The following ASNS variants were observed in gnomAD, a reference collection of about 807,000 sequenced individuals.
ASNS encodes the protein asparagine synthetase (glutamine-hydrolyzing), also known as asparagine synthetase [glutamine-hydrolyzing].
Under a neutral mutation model 62.6 loss-of-function variants are expected in ASNS, and 37 were observed. That is an observed-to-expected ratio of 0.59 (90% CI 0.45 to 0.78). The LOEUF is 0.78. Ranked by LOEUF, ASNS falls within the 30% of genes least tolerant of loss-of-function variation. The pLI is 0.00. For synonymous variants in ASNS, 207 were observed against 237.9 expected (o/e 0.87, Z 1.19); for missense variants, 520 against 682.4 (o/e 0.76, Z 2.65).
At chr7:97,895,739 C>T in the ASNS span, among the ~76,000 whole-genome samples, 1 of 152,046 alleles carries the variant, frequency 6.6e-6, no homozygotes, top group East Asian at 1.9e-4. Flanking sequence ...TGCAGTGAGC[C>T]AAGATTGCAC....
intron 10 of ASNS, among the ~76,000 whole-genome samples, chr7:97,853,960 T>C (rs1421797240): frequency 2.0e-5 from 3 of 152,240 alleles, no homozygotes; most frequent in African/African-American, 7.2e-5. Context: ...TATTTAATTA[T>C]ATCCTTATCT....
At chr7:97,869,703 C>T (rs1490362828) in intron 2 of ASNS, 75 bp downstream of exon 2, 1 of 154,030 alleles carries the variant, frequency 6.5e-6, no homozygotes, top group Non-Finnish European at 1.4e-5. Flanking sequence ...ATGGGTACAA[C>T]AGAAAATCAT....
chr7:97,854,523 T>C, intron 10 of ASNS, 57 bp downstream of exon 10: 3 of 1,582,400 alleles, frequency 1.9e-6, no homozygotes, highest in Non-Finnish European at 2.6e-6. Context: ...CTTTTTGTTT[T>C]GTTTTGTTTT....
At chr7:97,892,143 A>T in the ASNS span, among the ~76,000 whole-genome samples, 1 of 152,222 alleles carries the variant, frequency 6.6e-6, no homozygotes, top group Admixed American at 6.5e-5. Flanking sequence ...CACAGGCTCA[A>T]CACTATGTGG....
intron 10 of ASNS, 86 bp downstream of exon 10, chr7:97,854,494 A>T: frequency 2.0e-6 from 3 of 1,516,392 alleles, no homozygotes; most frequent in Non-Finnish European, 2.7e-6. Flanking sequence ...ATTGATTTTT[A>T]TTTTCTCAGG....
At chr7:97,892,895 C>T in the ASNS span, among the ~76,000 whole-genome samples, 1 of 152,242 alleles carries the variant, frequency 6.6e-6, no homozygotes, top group African/African-American at 2.4e-5. Flanking sequence ...CCAGCCTCTG[C>T]CTGTTTCCCA....
At chr7:97,885,928 C>T in the ASNS span, 4 of 578,670 alleles carry the variant, frequency 6.9e-6, no homozygotes, top group Admixed American at 2.1e-5. Context: ...CTCTCCTCCT[C>T]CTGGGATGAT....
chr7:97,873,728 T>C (rs1792375449), upstream of ASNS, among the ~76,000 whole-genome samples: 1 of 152,090 alleles, frequency 6.6e-6, no homozygotes, highest in Non-Finnish European at 1.5e-5. Context: ...AGAGCCCATT[T>C]CCCGTAGCAT....
At chr7:97,902,579 C>G in the ASNS span, among the ~76,000 whole-genome samples, 3 of 151,954 alleles carry the variant, frequency 2.0e-5, no homozygotes, top group Non-Finnish European at 4.4e-5. Context: ...AATTAGGCAA[C>G]AGTGGTGGCA....
At chr7:97,898,271 T>C in the ASNS span, 1 of 381,880 alleles carries the variant, frequency 2.6e-6, no homozygotes, top group Admixed American at 4.0e-5. Flanking sequence ...ATTTTGCTCT[T>C]TCATTGTTGT....
At chr7:97,870,680 A>T (rs1792212560) in intron 1 of ASNS, among the ~76,000 whole-genome samples, 1 of 152,258 alleles carries the variant, frequency 6.6e-6, no homozygotes, top group African/African-American at 2.4e-5. Context: ...TTTAAATGAG[A>T]TGACTACTAA....
At chr7:97,922,266 C>T in the ASNS span, among the ~76,000 whole-genome samples, 4 of 151,198 alleles carry the variant, frequency 2.6e-5, no homozygotes, top group African/African-American at 4.9e-5. Flanking sequence ...CTCAGGAGGC[C>T]GAGGTGGGAG....
the ASNS span, among the ~76,000 whole-genome samples, chr7:97,887,001 G>A: frequency 4.6e-5 from 7 of 152,200 alleles, no homozygotes; most frequent in African/African-American, 1.7e-4. Context: ...CCTAATAGCC[G>A]GCCATCTTTG....
the ASNS span, among the ~76,000 whole-genome samples, chr7:97,912,445 G>GAGAC: frequency 5.6e-4 from 85 of 152,062 alleles, no homozygotes; most frequent in African/African-American, 1.9e-3. Context: ...TGTAAACAGG[G>GAGAC]AGACGAGAGT....
intron 10 of ASNS, 44 bp downstream of exon 10, chr7:97,854,536 G>GTGTTTTTT: frequency 1.3e-6 from 2 of 1,586,116 alleles, no homozygotes; most frequent in Non-Finnish European, 1.7e-6. Flanking sequence ...TTTGTTTTTG[G>GTGTTTTTT]TGTTTTTTTG....
intron 1 of ASNS, among the ~76,000 whole-genome samples, chr7:97,870,841 C>T (rs1792220396): frequency 6.6e-6 from 1 of 152,138 alleles, no homozygotes; most frequent in African/African-American, 2.4e-5. Flanking sequence ...TAAATACATT[C>T]TAACCACTAA....
At chr7:97,914,239 G>C in the ASNS span, among the ~76,000 whole-genome samples, 1 of 152,042 alleles carries the variant, frequency 6.6e-6, no homozygotes, top group Non-Finnish European at 1.5e-5. Flanking sequence ...CAGATGAACA[G>C]ATGGACTTGA....
chr7:97,872,240 G>A (rs1034035103), intron 1 of ASNS, 111 bp downstream of exon 1: 1 of 151,758 alleles, frequency 6.6e-6, no homozygotes, highest in Admixed American at 6.6e-5. Context: ...CGTCTGCCGG[G>A]TGCCAGGCTG....
the ASNS span, among the ~76,000 whole-genome samples, chr7:97,905,172 C>T: frequency 6.6e-6 from 1 of 152,222 alleles, no homozygotes; most frequent in Non-Finnish European, 1.5e-5. Context: ...CATCATGCAA[C>T]TGTTCACCTC....
Sources: gnomAD v4.1 joint callset for allele counts (sites outside exome capture counted in the v4.1 genomes callset) on GRCh38, gnomAD v4.1.1 for gene constraint, MANE v1.5 for transcripts, NCBI Gene and HGNC (gene_info 2026-07-23, HGNC 2026-07-21) for gene names.